DTNB: variants seen among roughly 807,000 people sequenced by gnomAD.
DTNB encodes dystrobrevin beta, also known as DTN-B.
DTNB carries 63 observed loss-of-function variants against 90.7 expected under a neutral mutation model. The ratio of observed to expected loss-of-function variants is 0.69; its 90% confidence interval spans 0.57 to 0.86. DTNB has a LOEUF of 0.86. Among genes scored for constraint, DTNB ranks in the 40% least tolerant of loss-of-function variants. The probability of loss-of-function intolerance (pLI) is 0.00; values close to 1 mark genes in which losing one functional copy is unlikely to be tolerated. For synonymous variants in DTNB, 277 were observed against 286.7 expected, an observed-to-expected ratio of 0.97 and a Z score of 0.34; for missense variants, 744 against 807.1, an observed-to-expected ratio of 0.92 and a Z score of 0.95.
At chr2:25,588,527 G>C (rs967713399) in intron 6 of DTNB, among the ~76,000 whole-genome samples, 6 of 152,166 alleles carry the variant, frequency 3.9e-5, no homozygotes, top group Non-Finnish European at 8.8e-5. Flanking sequence ...ACCACGCGCA[G>C]CTAATTTTTG....
At chr2:25,419,273 A>C (rs1464206282) in intron 16 of DTNB, 1 of 602,542 alleles carries the variant, frequency 1.7e-6, no homozygotes, top group Non-Finnish European at 3.0e-6. Flanking sequence ...TGCACACTTC[A>C]ATGCGCACAA....
chr2:25,395,115 G>A (rs2042060971), intron 16 of DTNB, among the ~76,000 whole-genome samples: 1 of 152,170 alleles, frequency 6.6e-6, no homozygotes, highest in Non-Finnish European at 1.5e-5. Flanking sequence ...TTTTCTAAGT[G>A]AAGTAACTCA....
chr2:25,665,956 A>G (rs1041310428), intron 1 of DTNB, among the ~76,000 whole-genome samples: 5 of 152,232 alleles, frequency 3.3e-5, no homozygotes, highest in East Asian at 1.9e-4. Flanking sequence ...TCTTAAATCA[A>G]TATCATGTAA....
At chr2:25,412,544 G>A (rs567613022) in intron 16 of DTNB, among the ~76,000 whole-genome samples, 1 of 152,264 alleles carries the variant, frequency 6.6e-6, no homozygotes, top group Non-Finnish European at 1.5e-5. Context: ...TAAAGTTACA[G>A]TCTTTAAGCC....
chr2:25,567,892 G>A (rs2059269195), intron 8 of DTNB, among the ~76,000 whole-genome samples: 1 of 152,212 alleles, frequency 6.6e-6, no homozygotes, highest in South Asian at 2.1e-4. Context: ...TGGGCGCGGT[G>A]GCTGACGCCT....
intron 11 of DTNB, 46 bp from the exon 12 acceptor site, chr2:25,451,681 T>C (rs2059311947): frequency 6.8e-7 from 1 of 1,479,114 alleles, no homozygotes; most frequent in African/African-American, 1.4e-5. Context: ...AAACATCCCT[T>C]ATTCTTGTTC....
chr2:25,659,082 C>T (rs2082636287), intron 1 of DTNB, among the ~76,000 whole-genome samples: 1 of 151,498 alleles, frequency 6.6e-6, no homozygotes, highest in African/African-American at 2.4e-5. Flanking sequence ...AACCTTAATG[C>T]ATGCAATTAA....
chr2:25,473,797 T>A (rs1259843593), intron 10 of DTNB, among the ~76,000 whole-genome samples: 7 of 152,190 alleles, frequency 4.6e-5, no homozygotes, highest in Admixed American at 2.0e-4. Flanking sequence ...TCCTCACTTT[T>A]CCTCGCCCCA....
In DTNB at chr2:25,427,039, G is replaced by T. The variant is rs535122853; in HGVS notation, c.1554+496C>A. Among the ~76,000 whole-genome samples, 45 of 152,186 alleles carry T rather than the reference G, an allele frequency of 3.0e-4. 1 individual carries two copies. The highest frequency in any genetic ancestry group is 5.1e-4 in the Non-Finnish European group (35 of 68,006). ...AAAAATACAAAAAAATTAGCTGGGC[G>T]TGGTGGTGGGCGCCTGTAATCCCAG... is the stretch of plus-strand genomic sequence containing the variant. On this transcript the variant is annotated intron_variant, in intron 15 of 20. Transcript: ENST00000406818.
intron 19 of DTNB, among the ~76,000 whole-genome samples, chr2:25,382,033 C>G (rs1573608736): frequency 6.6e-6 from 1 of 152,246 alleles, no homozygotes; most frequent in East Asian, 1.9e-4. Flanking sequence ...CTTAGTCTAC[C>G]AGTTCAGCTC....
At chr2:25,396,742 A>T (rs2042479238) in intron 16 of DTNB, among the ~76,000 whole-genome samples, 1 of 150,786 alleles carries the variant, frequency 6.6e-6, no homozygotes, top group Non-Finnish European at 1.5e-5. Flanking sequence ...AAAAAAAAAA[A>T]AAAAAAAAAA....
chr2:25,457,334 C>T (rs2060204740), intron 10 of DTNB, among the ~76,000 whole-genome samples: 1 of 152,116 alleles, frequency 6.6e-6, no homozygotes, highest in Non-Finnish European at 1.5e-5. Context: ...GTTATATATC[C>T]TGTCCCAGAC....
chr2:25,398,171 T>TA (rs1407974356), intron 16 of DTNB, among the ~76,000 whole-genome samples: 1 of 152,240 alleles, frequency 6.6e-6, no homozygotes, highest in Non-Finnish European at 1.5e-5. Flanking sequence ...CACATGTGTC[T>TA]AAAGCTCTAG....
Position 25,508,683 on chromosome 2 carries a change from C to T in DTNB, c.1001+22790G>A, listed in dbSNP as rs924973671. On this transcript the variant is annotated intron_variant, in intron 9 of 20. Coordinates refer to ENST00000406818, the MANE Select transcript of DTNB (RefSeq NM_021907.5). The stretch of plus-strand genomic sequence containing the variant: ...CCGAGAAACTGGGATTACAGGTGTG[C>T]ACCACCACGCCGGGCTAATTTTTTA... Among the ~76,000 whole-genome samples, 12 of 151,908 alleles carry T rather than the reference C, an allele frequency of 7.9e-5. 1 individual carries two copies. Among genetic ancestry groups the T allele is most frequent in the Admixed American group, 7.2e-4 (11 of 15,232 alleles).
chr2:25,394,782 G>A lies in DTNB; in HGVS notation c.1576-6421C>T, dbSNP rs543869405. On this transcript the variant is annotated intron_variant, in intron 16 of 20. Coordinates refer to ENST00000406818, the MANE Select transcript of DTNB (RefSeq NM_021907.5). ...AAAGGAACACTTTTACACTGTTGGTGGGAATGTAAACTAGTACAACTACTA... is the reference window on the plus strand; with the variant it reads ...AAAGGAACACTTTTACACTGTTGGTAGGAATGTAAACTAGTACAACTACTA... 1.0e-3 allele frequency among the ~76,000 whole-genome samples: 152 copies of A among 152,280 alleles called. 1 individual carries two copies. The highest frequency in any genetic ancestry group is 4.9e-4 in the Non-Finnish European group (33 of 68,016).
chr2:25,635,160 TG>T (rs1309936597), intron 3 of DTNB, among the ~76,000 whole-genome samples: 2 of 148,668 alleles, frequency 1.3e-5, no homozygotes, highest in Non-Finnish European at 3.0e-5. Flanking sequence ...AGGCTGGGAG[TG>T]GTGGCTCACA....
At chr2:25,571,995 G>T (rs1416313701) in intron 8 of DTNB, among the ~76,000 whole-genome samples, 1 of 152,024 alleles carries the variant, frequency 6.6e-6, no homozygotes, top group Non-Finnish European at 1.5e-5. Flanking sequence ...GTACCTTTTT[G>T]TTCCCTTTTC....
In DTNB at chr2:25,496,481, T is replaced by C. The variant is rs187981218; in HGVS notation, c.1002-13608A>G. 5.3e-5 allele frequency among the ~76,000 whole-genome samples: 8 copies of C among 152,264 alleles called. No individual in the cohort carries two copies. The East Asian group carries it at 1.5e-3, about 29-fold the overall frequency. On this transcript the variant is annotated intron_variant, in intron 9 of 20. Coordinates refer to ENST00000406818, the MANE Select transcript of DTNB (RefSeq NM_021907.5). ...CATGGTCATCAACTGAAATCTGTTT[T>C]CAAAAATGGAAATGAATTCACTGCT...
intron 1 of DTNB, among the ~76,000 whole-genome samples, chr2:25,654,040 C>A (rs2081572849): frequency 6.6e-6 from 1 of 152,092 alleles, no homozygotes; most frequent in Non-Finnish European, 1.5e-5. Flanking sequence ...TCACCAAAAC[C>A]CTACCCGGTA....
Sources: allele counts gnomAD v4.1 joint callset (sites outside exome capture counted in the v4.1 genomes callset), GRCh38; gene constraint gnomAD v4.1.1; transcripts MANE v1.5; gene names NCBI Gene and HGNC (gene_info 2026-07-23, HGNC 2026-07-21).